The following BAG4 variants were observed in gnomAD, a reference collection of about 807,000 sequenced individuals.
BAG4 encodes the protein BAG cochaperone 4.
Under a neutral mutation model 52.1 loss-of-function variants are expected in BAG4, and 28 were observed. That is an observed-to-expected ratio of 0.54 (90% confidence interval 0.40 to 0.74). The LOEUF is 0.74. Among genes scored for constraint, BAG4 ranks in the 30% least tolerant of loss-of-function variants. BAG4 has a pLI of 0.00. For synonymous variants in BAG4, 208 were observed against 217.0 expected (o/e 0.96, Z 0.37); for missense variants, 525 against 572.0 (o/e 0.92, Z 0.84).
intron 1 of BAG4, among the ~76,000 whole-genome samples, chr8:38,182,578 A>C (rs1257967365): frequency 6.6e-6 from 1 of 152,198 alleles, no homozygotes; most frequent in African/African-American, 2.4e-5. Flanking sequence ...AAAACATTTT[A>C]TTACCTTTGT....
intron 2 of BAG4, among the ~76,000 whole-genome samples, chr8:38,194,087 G>T (rs938803518): frequency 2.6e-5 from 4 of 152,048 alleles, no homozygotes; most frequent in African/African-American, 9.7e-5. Context: ...GGCCAGGCTG[G>T]TCTCAAACTC....
intron 2 of BAG4, among the ~76,000 whole-genome samples, chr8:38,198,321 T>C (rs1803599249): frequency 6.8e-6 from 1 of 147,314 alleles, no homozygotes; most frequent in Non-Finnish European, 1.5e-5. Flanking sequence ...GAGGCGGAGC[T>C]TGCAATGAAC....
rs1209712742 is a variant in BAG4 at position 38,188,662 on chromosome 8, TGTATAC to T, written c.271-4025_271-4020del. On this transcript the variant is annotated intron_variant, in intron 1 of 4. Coordinates refer to ENST00000287322, the MANE Select transcript of BAG4 (RefSeq NM_004874.4). ...ATATATACATGTATACATATATACA[TGTATAC>T]ATATACATGTATACATATATACATG... Among the ~76,000 whole-genome samples, 6 of 856 alleles carry T rather than the reference TGTATAC, an allele frequency of 7.0e-3. No individual in the cohort carries two copies. In the East Asian group the frequency reaches 0.083, roughly 12 times the overall value. The allele number at this position is 856 out of a possible 152,430, so 0.6% of individuals were successfully genotyped here. A position where few individuals can be genotyped will look rare whatever the true frequency, so the allele number is the denominator to read the frequency against.
chr8:38,190,589 G>T (rs1401447842), intron 1 of BAG4, among the ~76,000 whole-genome samples: 1 of 146,704 alleles, frequency 6.8e-6, no homozygotes, highest in Admixed American at 6.9e-5. Context: ...CCATCATCAC[G>T]CCCACCTGAC....
chr8:38,194,409 C>CTTTTTTT (rs750931003), intron 2 of BAG4, among the ~76,000 whole-genome samples: 7 of 78,614 alleles, frequency 8.9e-5, no homozygotes, highest in Admixed American at 3.0e-4. Context: ...TAGGTGTGTA[C>CTTTTTTT]TTTTTTTTTT....
intron 1 of BAG4, among the ~76,000 whole-genome samples, chr8:38,181,744 G>C (rs1256809311): frequency 6.6e-6 from 1 of 151,314 alleles, no homozygotes; most frequent in African/African-American, 2.4e-5. Context: ...CCCAGAAAAA[G>C]AAAAACAAAA....
rs140266447 is a variant in BAG4 at position 38,210,057 on chromosome 8, A to G, written c.938A>G (p.Asn313Ser). ...TCAGATCAAAGCATGAACCGGCACA[A>G]CTTTCCTTGCAGTGTCCATCAGTAC... Reference protein sequence around the residue: ...SQSDQSMNRHNFPCSVHQYES... With the variant: ...SQSDQSMNRHSFPCSVHQYES... Residue 313 changes from asparagine to serine, a missense_variant, in exon 5 of 5, where the codon AAC becomes AGC. Asn to Ser is a conservative substitution (Grantham distance 46). Transcript: ENST00000287322. 2.5e-6 allele frequency: 4 copies of G among 1,614,076 alleles called. No homozygotes were observed. Among genetic ancestry groups the G allele is most frequent in the African/African-American group, 1.3e-5 (1 of 74,920 alleles).
chr8:38,198,557 C>T (rs535731981), intron 2 of BAG4, among the ~76,000 whole-genome samples: 9 of 146,156 alleles, frequency 6.2e-5, no homozygotes, highest in Admixed American at 1.4e-4. Flanking sequence ...GGTGCGATCT[C>T]GGCTTACTGC....
At chr8:38,208,719 C>T (rs1020591962) in intron 3 of BAG4, among the ~76,000 whole-genome samples, 1 of 152,084 alleles carries the variant, frequency 6.6e-6, no homozygotes, top group Admixed American at 6.6e-5. Context: ...CATATGGGTC[C>T]GTTTGTTTAT....
chr8:38,208,904 A>T, intron 3 of BAG4, 109 bp from the exon 4 acceptor site: 1 of 1,285,754 alleles, frequency 7.8e-7, no homozygotes, highest in Non-Finnish European at 1.1e-6. Flanking sequence ...GTAGCAGCTA[A>T]TGTATACTCT....
At chr8:38,195,668 T>C (rs1241670451) in intron 2 of BAG4, among the ~76,000 whole-genome samples, 1 of 152,186 alleles carries the variant, frequency 6.6e-6, no homozygotes, top group African/African-American at 2.4e-5. Flanking sequence ...ATCATGTTAG[T>C]ACTTACCACA....
chr8:38,205,272 A>G (rs1803752594), intron 2 of BAG4, among the ~76,000 whole-genome samples: 1 of 122,228 alleles, frequency 8.2e-6, no homozygotes, highest in Non-Finnish European at 1.6e-5. Flanking sequence ...CTGTTCTCAG[A>G]CTCCTGGGCT....
chr8:38,197,425 C>T (rs931485160), intron 2 of BAG4, among the ~76,000 whole-genome samples: 1 of 152,082 alleles, frequency 6.6e-6, no homozygotes, highest in African/African-American at 2.4e-5. Flanking sequence ...CTAAACACAT[C>T]TAAATATAGA....
At position 38,209,670 on chromosome 8, in the gene BAG4, C is replaced by T. The variant is rs900813715; in HGVS notation, c.889-338C>T. The T allele has an allele frequency of 4.5e-5, 16 of 353,322 alleles. 1 individual carries two copies. Among genetic ancestry groups the T allele is most frequent in the Non-Finnish European group, 7.7e-5 (15 of 195,286 alleles). The allele number at this position is 353,322 out of a possible 1,614,324, so 21.9% of individuals were successfully genotyped here. A position where few individuals can be genotyped will look rare whatever the true frequency, so the allele number is the denominator to read the frequency against. ...TTGTGGCTGTGTTCCTTTTCAAGAC[C>T]TTGCTTGAGGTTTTTAACCTTTTAG... On this transcript the variant is annotated intron_variant, in intron 4 of 4. Coordinates refer to ENST00000287322, the MANE Select transcript of BAG4 (RefSeq NM_004874.4).
Position 38,210,045 on chromosome 8 carries a change from T to C in BAG4, c.926T>C (p.Met309Thr), listed in dbSNP as rs753059239. The C allele has an allele frequency of 4.3e-6, 7 of 1,614,194 alleles. No homozygotes were observed. Among genetic ancestry groups the C allele is most frequent in the Non-Finnish European group, 5.9e-6 (7 of 1,180,034 alleles). The change falls in exon 5 of 5, where the codon ATG becomes ACG. Residue 309 changes from methionine (M) to threonine (T), a missense_variant. Physicochemically the swap from Met to Thr is moderately conservative, Grantham distance 81. Coordinates refer to ENST00000287322, the MANE Select transcript of BAG4 (RefSeq NM_004874.4). Reference protein sequence around the residue: ...SYPYSQSDQSMNRHNFPCSVH... With the variant: ...SYPYSQSDQSTNRHNFPCSVH... ...CCCTATAGCCAATCAGATCAAAGCA[T>C]GAACCGGCACAACTTTCCTTGCAGT...
rs1169583823 is a variant in BAG4, at chr8:38,212,620, C to T, written c.*2127C>T. 2 of 152,186 alleles carry T rather than the reference C, an allele frequency of 1.3e-5. No homozygotes were observed. Among genetic ancestry groups the T allele is most frequent in the African/African-American group, 2.4e-5 (1 of 41,426 alleles). The allele number at this position is 152,186 out of a possible 1,614,324, so 9.4% of individuals were successfully genotyped here. A position where few individuals can be genotyped will look rare whatever the true frequency, so the allele number is the denominator to read the frequency against. On this transcript the variant is annotated 3_prime_UTR_variant, in exon 5 of 5. Transcript: ENST00000287322. ...GCCTTGCATTTAGCTATCATGCCTA[C>T]GTCCTGTCTTCCAGTCTGTGACAGT...
intron 2 of BAG4, chr8:38,201,674 A>C (rs1803663374): frequency 6.6e-6 from 1 of 151,628 alleles, no homozygotes; most frequent in Non-Finnish European, 1.5e-5. Flanking sequence ...AAAATTAAGC[A>C]GTATCATGTC....
intron 2 of BAG4, among the ~76,000 whole-genome samples, chr8:38,197,073 C>T (rs1418666672): frequency 6.6e-6 from 1 of 152,130 alleles, no homozygotes; most frequent in Non-Finnish European, 1.5e-5. Flanking sequence ...CAGAGCAAGA[C>T]TCTGTCTCAA....
chr8:38,199,820 G>A (rs1803629965), intron 2 of BAG4, among the ~76,000 whole-genome samples: 2 of 152,128 alleles, frequency 1.3e-5, no homozygotes, highest in South Asian at 4.2e-4. Context: ...ACTGCGCCCA[G>A]CCCGATTTCT....
Sources: gnomAD v4.1 joint callset for allele counts (sites outside exome capture counted in the v4.1 genomes callset) on GRCh38, gnomAD v4.1.1 for gene constraint, MANE v1.5 for transcripts, NCBI Gene and HGNC (gene_info 2026-07-23, HGNC 2026-07-21) for gene names.